VIPR2: variants seen among roughly 807,000 people sequenced by gnomAD.
VIPR2 encodes the protein vasoactive intestinal peptide receptor 2.
A neutral mutation model predicts 58.0 loss-of-function variants in VIPR2; 48 were observed. The ratio of observed to expected loss-of-function variants is 0.83; its 90% confidence interval spans 0.66 to 1.05. The LOEUF (loss-of-function observed/expected upper bound fraction) is 1.05, where lower values mean the gene tolerates loss of function less well. Among genes scored for constraint, VIPR2 ranks in the 50% least tolerant of loss-of-function variants. VIPR2 has a pLI of 0.00. For missense variants in VIPR2, 534 were observed against 558.0 expected (o/e 0.96, Z 0.43); for synonymous variants, 243 against 235.2 (o/e 1.03, Z -0.30).
At chr7:159,101,441 G>C (rs111858059) in intron 4 of VIPR2, among the ~76,000 whole-genome samples, 3 of 123,384 alleles carry the variant, frequency 2.4e-5, no homozygotes, top group Admixed American at 8.3e-5. Flanking sequence ...AGGCGGTTCC[G>C]ACTGTTCCTG....
intron 4 of VIPR2, among the ~76,000 whole-genome samples, chr7:159,059,859 T>G (rs1179943128): frequency 6.7e-6 from 1 of 149,498 alleles, no homozygotes; most frequent in African/African-American, 2.5e-5. Context: ...AAGTCTCATC[T>G]AACCCATACT....
At chr7:159,064,134 G>A (rs1018562060) in intron 4 of VIPR2, among the ~76,000 whole-genome samples, 7 of 152,096 alleles carry the variant, frequency 4.6e-5, no homozygotes, top group East Asian at 1.9e-4. Context: ...AGCCGCGCCC[G>A]GCGTGGGTGG....
Position 159,127,657 on chromosome 7 carries a change from A to AG in VIPR2, c.151+14788dup. Among the ~76,000 whole-genome samples, 1 of 152,288 alleles carries AG rather than the reference A, an allele frequency of 6.6e-6. No individual in the cohort carries two copies. Among genetic ancestry groups the AG allele is most frequent in the South Asian group, 2.1e-4 (1 of 4,824 alleles). ...CACCTGCAGGGTCCTCGGGGCCCTC[A>AG]GCTTTGGCATGTAAACGCATGTGGG... On this transcript the variant is annotated intron_variant, in intron 2 of 12. Coordinates refer to ENST00000262178, the MANE Select transcript of VIPR2 (RefSeq NM_003382.5). This position sits in a 1 kb window ranked among gnomAD's most constrained non-coding sequence, Gnocchi z 4.6.
chr7:159,086,864 T>G (rs1457139117), intron 4 of VIPR2, among the ~76,000 whole-genome samples: 1 of 152,236 alleles, frequency 6.6e-6, no homozygotes, highest in East Asian at 1.9e-4. Context: ...GCAGCAAAAG[T>G]GCATCTTGGA....
intron 4 of VIPR2, among the ~76,000 whole-genome samples, chr7:159,070,594 C>G (rs1856332575): frequency 6.6e-6 from 1 of 152,160 alleles, no homozygotes; most frequent in South Asian, 2.1e-4. Flanking sequence ...ACGGCCGCTA[C>G]TGACAGAAGG....
intron 4 of VIPR2, among the ~76,000 whole-genome samples, chr7:159,075,768 G>A (rs1272362493): frequency 2.7e-5 from 4 of 148,210 alleles, no homozygotes; most frequent in Admixed American, 6.7e-5. Flanking sequence ...GCCCAGGGCC[G>A]GCACCCACGG....
At position 159,028,647 on chromosome 7, in the gene VIPR2, C is replaced by G. The variant is rs1181306138; in HGVS notation, c.*1969G>C. On this transcript the variant is annotated 3_prime_UTR_variant, in exon 13 of 13. Transcript: ENST00000262178. ...TTTGTCCTTTGAAAGCTGGGCAAGG[C>G]TGGGGGTGGGTCTGTCCAAACCCTA... The G allele has an allele frequency of 6.6e-6, 1 of 152,364 alleles. No homozygotes were observed. The highest frequency in any genetic ancestry group is 1.5e-5 in the Non-Finnish European group (1 of 68,166). The allele number at this position is 152,364 out of a possible 1,614,324, so 9.4% of individuals were successfully genotyped here.
chr7:159,092,886 G>A (rs992871562), intron 4 of VIPR2, among the ~76,000 whole-genome samples: 2 of 152,128 alleles, frequency 1.3e-5, no homozygotes, highest in African/African-American at 4.8e-5. Context: ...GTGCTGGGCA[G>A]CAGCGTGGAG....
At chr7:159,063,594 C>T (rs1389746817) in intron 4 of VIPR2, among the ~76,000 whole-genome samples, 1 of 151,548 alleles carries the variant, frequency 6.6e-6, no homozygotes, top group Non-Finnish European at 1.5e-5. Flanking sequence ...CAGCGGCGGG[C>T]TGAAGCGCTC....
intron 4 of VIPR2, among the ~76,000 whole-genome samples, chr7:159,085,618 C>T (rs1041787772): frequency 2.6e-5 from 4 of 152,234 alleles, no homozygotes; most frequent in Non-Finnish European, 5.9e-5. Flanking sequence ...AAGGACACGG[C>T]TGTCACGCTG....
chr7:159,058,743 A>C lies in VIPR2; in HGVS notation c.358-165T>G, dbSNP rs554555858. 7.9e-5 allele frequency among the ~76,000 whole-genome samples: 12 copies of C among 152,374 alleles called. No individual in the cohort carries two copies. In the South Asian group the frequency reaches 2.5e-3, roughly 32 times the overall value. Reference sequence around the variant, plus strand: ...TAATTCCACCTCCATTTTGAACCAAAAAATGACACCCACAATTTGGAACCT... The same window carrying C: ...TAATTCCACCTCCATTTTGAACCAACAAATGACACCCACAATTTGGAACCT... On this transcript the variant is annotated intron_variant, in intron 4 of 12. Coordinates refer to ENST00000262178, the MANE Select transcript of VIPR2 (RefSeq NM_003382.5).
At chr7:159,131,102 C>T (rs1455157631) in intron 2 of VIPR2, among the ~76,000 whole-genome samples, 1 of 152,152 alleles carries the variant, frequency 6.6e-6, no homozygotes, top group Non-Finnish European at 1.5e-5. Context: ...ATAGGGGAGA[C>T]TCTAGCCAGT....
rs1409778466 is a variant in VIPR2 at position 159,097,716 on chromosome 7, G to C, written c.357+6041C>G. On this transcript the variant is annotated intron_variant, in intron 4 of 12. Coordinates refer to ENST00000262178, the MANE Select transcript of VIPR2 (RefSeq NM_003382.5). This position sits in a 1 kb window ranked among gnomAD's most constrained non-coding sequence, Gnocchi z 5.3. ...TGTTTCAAGAAACAGGCTTGAAGAG[G>C]CACCTTTCAGAAGCTGAGCAGCAAT... is the stretch of plus-strand genomic sequence containing the variant. Among the ~76,000 whole-genome samples the C allele has an allele frequency of 6.6e-6, 1 of 152,204 alleles. No individual in the cohort carries two copies. Among genetic ancestry groups the C allele is most frequent in the South Asian group, 2.1e-4 (1 of 4,836 alleles).
chr7:159,107,890 A>G (rs1416824421), intron 3 of VIPR2, among the ~76,000 whole-genome samples: 1 of 151,882 alleles, frequency 6.6e-6, no homozygotes, highest in African/African-American at 2.4e-5. Context: ...ACACGTGATG[A>G]TGCCCAGAGG....
chr7:159,050,354 C>CAAAAAAAAAACAAAAAAAAA (rs1563273278), intron 5 of VIPR2, among the ~76,000 whole-genome samples: 7 of 139,062 alleles, frequency 5.0e-5, no homozygotes, highest in Non-Finnish European at 9.3e-5. Context: ...CACAAAAAAA[C>CAAAAAAAAAACAAAAAAAAA]AAAAAAAAAA....
chr7:159,050,652 A>G (rs1406302373), intron 5 of VIPR2, among the ~76,000 whole-genome samples: 2 of 152,120 alleles, frequency 1.3e-5, no homozygotes, highest in Non-Finnish European at 2.9e-5. Context: ...AAATATAGGA[A>G]AAAATAGTAA....
chr7:159,119,397 C>T (rs1245479105), intron 2 of VIPR2, among the ~76,000 whole-genome samples: 2 of 152,234 alleles, frequency 1.3e-5, no homozygotes, highest in African/African-American at 4.8e-5. Flanking sequence ...GCACTCAGAG[C>T]TCCTGCAGGA....
At chr7:159,141,265 A>C (rs1353893135) in intron 2 of VIPR2, among the ~76,000 whole-genome samples, 1 of 152,262 alleles carries the variant, frequency 6.6e-6, no homozygotes, top group Non-Finnish European at 1.5e-5. Context: ...CTTTCTCTGG[A>C]CAGAGTTCAA....
chr7:159,096,934 G>A lies in VIPR2; in HGVS notation c.357+6823C>T, dbSNP rs1191165354. 1.7e-5 allele frequency: 27 copies of A among 1,550,550 alleles called. 1 individual carries two copies. The Middle Eastern group carries it at 5.0e-4, about 29-fold the overall frequency. On this transcript the variant is annotated intron_variant, in intron 4 of 12. Coordinates refer to ENST00000262178, the MANE Select transcript of VIPR2 (RefSeq NM_003382.5). The surrounding 1 kb of genome is among the most constrained non-coding windows in gnomAD (Gnocchi z 5.5). ...CATCACTCGATGAGCCAATGCCCTC[G>A]TGGCTGGCATTGAGCTTGGCACCTG...
Sources: allele counts gnomAD v4.1 joint callset (sites outside exome capture counted in the v4.1 genomes callset), GRCh38; gene constraint gnomAD v4.1.1; non-coding constraint Gnocchi (gnomAD v3.1); transcripts MANE v1.5; gene names NCBI Gene and HGNC (gene_info 2026-07-23, HGNC 2026-07-21).